The following DAB1 variants were observed in gnomAD, a reference collection of about 807,000 sequenced individuals.
DAB1 encodes DAB adaptor protein 1, also known as disabled homolog 1.
In DAB1, 15 loss-of-function variants were observed where a neutral mutation model predicts 64.6. That is an observed-to-expected ratio of 0.23 (90% CI 0.16 to 0.36). DAB1 has a LOEUF of 0.36. Among genes scored for constraint, DAB1 ranks in the 10% least tolerant of loss-of-function variants. The pLI is 1.00. For missense variants in DAB1, 596 were observed against 706.7 expected, an observed-to-expected ratio of 0.84 and a Z score of 1.78; for synonymous variants, 235 against 251.9, an observed-to-expected ratio of 0.93 and a Z score of 0.64.
At chr1:57,077,420 G>A (rs1233092585) in intron 4 of DAB1, among the ~76,000 whole-genome samples, 1 of 152,136 alleles carries the variant, frequency 6.6e-6, no homozygotes, top group Non-Finnish European at 1.5e-5. Flanking sequence ...AGGAAGTACA[G>A]GATGAAGGAA....
intron 2 of DAB1, among the ~76,000 whole-genome samples, chr1:57,213,533 A>G (rs197604): frequency 0.45 from 68,578 of 151,958 alleles, 16,261 homozygotes; most frequent in African/African-American, 0.56. Flanking sequence ...GTTCATCTCA[A>G]ACTACAGTCA....
At chr1:58,498,616 C>T (rs1645844756) in intron 3 of DAB1, among the ~76,000 whole-genome samples, 1 of 151,860 alleles carries the variant, frequency 6.6e-6, no homozygotes, top group Non-Finnish European at 1.5e-5. Flanking sequence ...ATTAACAGAA[C>T]AAAAACTCTA....
intron 5 of DAB1, among the ~76,000 whole-genome samples, chr1:57,905,602 T>G (rs1464082298): frequency 1.3e-5 from 2 of 152,326 alleles, no homozygotes; most frequent in Non-Finnish European, 2.9e-5. Context: ...TAAGTAGGTA[T>G]GAGTCTGAAG....
chr1:57,344,273 T>C (rs899155015), intron 1 of DAB1, among the ~76,000 whole-genome samples: 1 of 152,194 alleles, frequency 6.6e-6, no homozygotes, highest in East Asian at 1.9e-4. Context: ...ACCAGAGCAC[T>C]GAGATCTCTT....
chr1:57,383,705 T>G (rs890117553), intron 1 of DAB1, among the ~76,000 whole-genome samples: 6 of 152,128 alleles, frequency 3.9e-5, no homozygotes, highest in African/African-American at 1.4e-4. Flanking sequence ...AATATCTAGA[T>G]GCAAAAGAAT....
chr1:58,236,956 C>A (rs1660070156), intron 4 of DAB1, among the ~76,000 whole-genome samples: 1 of 152,310 alleles, frequency 6.6e-6, no homozygotes, highest in Admixed American at 6.5e-5. Flanking sequence ...GATCATACAT[C>A]AAATTGGGAC....
intron 7 of DAB1, among the ~76,000 whole-genome samples, chr1:57,432,346 T>C (rs1022672337): frequency 6.6e-6 from 1 of 151,982 alleles, no homozygotes; most frequent in Non-Finnish European, 1.5e-5. Context: ...TTTTTTTTTC[T>C]ATTTAATTTT....
chr1:57,310,240 G>A (rs561054105), intron 1 of DAB1, among the ~76,000 whole-genome samples: 4 of 152,172 alleles, frequency 2.6e-5, no homozygotes, highest in Non-Finnish European at 5.9e-5. Flanking sequence ...TGAGTAGTTA[G>A]CAAAGGCCAT....
intron 7 of DAB1, among the ~76,000 whole-genome samples, chr1:57,577,114 C>A (rs1033240802): frequency 6.6e-6 from 1 of 152,298 alleles, no homozygotes; most frequent in East Asian, 1.9e-4. Flanking sequence ...CTGTAATGCT[C>A]GGGAAAGCAG....
At chr1:57,118,154 C>A (rs1656309284) in intron 4 of DAB1, among the ~76,000 whole-genome samples, 1 of 152,170 alleles carries the variant, frequency 6.6e-6, no homozygotes, top group Admixed American at 6.5e-5. Context: ...ATCCATTTCA[C>A]AAGATTAGTC....
At chr1:58,167,779 G>A (rs1655942297) in intron 4 of DAB1, among the ~76,000 whole-genome samples, 1 of 152,194 alleles carries the variant, frequency 6.6e-6, no homozygotes, top group South Asian at 2.1e-4. Flanking sequence ...TTTAAGAGTT[G>A]TAACACTCAC....
chr1:57,383,090 G>A lies in DAB1; in HGVS notation c.-137+40840C>T, dbSNP rs575549194. 3.9e-5 allele frequency among the ~76,000 whole-genome samples: 6 copies of A among 152,256 alleles called. No homozygotes were observed. The South Asian group carries it at 1.2e-3, about 32-fold the overall frequency. ...GGGAATAAAAGTGGCAGGGCTTGGG[G>A]GTTGGACTGTAGTGTTAAATAAGGT... On this transcript the variant is annotated intron_variant, in intron 1 of 14. Transcript: ENST00000371236.
At chr1:58,234,667 C>G (rs765540550) in intron 4 of DAB1, among the ~76,000 whole-genome samples, 6 of 152,188 alleles carry the variant, frequency 3.9e-5, no homozygotes, top group Middle Eastern at 3.2e-3. Context: ...AACCCTGTCC[C>G]AGGATATCAA....
intron 1 of DAB1, among the ~76,000 whole-genome samples, chr1:57,850,802 C>G (rs902866617): frequency 6.6e-6 from 1 of 152,200 alleles, no homozygotes; most frequent in Non-Finnish European, 1.5e-5. Context: ...AGTGGTCTGA[C>G]CTAAAACAGC....
chr1:58,487,657 T>C (rs1423016284), intron 3 of DAB1, among the ~76,000 whole-genome samples: 1 of 152,178 alleles, frequency 6.6e-6, no homozygotes. Flanking sequence ...TTTTTTAAAT[T>C]TGATTTATTT....
chr1:57,241,241 T>A (rs981431049), intron 2 of DAB1, among the ~76,000 whole-genome samples: 4 of 152,218 alleles, frequency 2.6e-5, no homozygotes, highest in African/African-American at 9.7e-5. Flanking sequence ...TAATCTCTGC[T>A]GCATAACAGC....
At chr1:57,708,023 C>G (rs545438975) in intron 6 of DAB1, among the ~76,000 whole-genome samples, 1 of 152,272 alleles carries the variant, frequency 6.6e-6, no homozygotes, top group Admixed American at 6.5e-5. Flanking sequence ...GTCATATGGG[C>G]ACTCCCATGG....
intron 4 of DAB1, among the ~76,000 whole-genome samples, chr1:58,339,116 C>T (rs971133903): frequency 6.6e-6 from 1 of 152,098 alleles, no homozygotes; most frequent in African/African-American, 2.4e-5. Context: ...GTGAAAGTCA[C>T]TGAATCTTAC....
chr1:58,128,899 G>A (rs1653324048), intron 5 of DAB1, among the ~76,000 whole-genome samples: 1 of 149,338 alleles, frequency 6.7e-6, no homozygotes, highest in Non-Finnish European at 1.5e-5. Flanking sequence ...GTTCATCAAG[G>A]ATATTGGTCT....
Sources: gnomAD v4.1 joint callset for allele counts (sites outside exome capture counted in the v4.1 genomes callset) on GRCh38, gnomAD v4.1.1 for gene constraint, MANE v1.5 for transcripts, NCBI Gene and HGNC (gene_info 2026-07-23, HGNC 2026-07-21) for gene names.